Variants in WDR27 observed in about 807,000 individuals in gnomAD.
The protein encoded by WDR27 is WD repeat-containing protein 27.
Under a neutral mutation model 114.4 loss-of-function variants are expected in WDR27, and 100 were observed. The observed-to-expected ratio is 0.87, with a 90% CI of 0.74 to 1.03. WDR27 has a LOEUF of 1.03. WDR27 is among the 50% of genes least tolerant of loss of function. The probability of loss-of-function intolerance (pLI) is 0.00; values close to 1 mark genes in which losing one functional copy is unlikely to be tolerated. For synonymous variants in WDR27, 449 were observed against 423.1 expected (o/e 1.06, Z -0.75); for missense variants, 1,129 against 1,092.9 (o/e 1.03, Z -0.47).
chr6:169,673,234 T>C (rs12525599), intron 2 of WDR27, among the ~76,000 whole-genome samples: 10,603 of 152,088 alleles, frequency 0.07, 778 homozygotes, highest in East Asian at 0.19. Context: ...GGGATGGGAC[T>C]GGGGGTCCAT....
intron 24 of WDR27, among the ~76,000 whole-genome samples, chr6:169,577,336 G>T (rs1273299366): frequency 1.3e-5 from 2 of 152,208 alleles, no homozygotes; most frequent in Non-Finnish European, 2.9e-5. Flanking sequence ...GCCAGGAATG[G>T]CGCCCCCCGA....
chr6:169,621,491 T>G (rs1445921348), intron 21 of WDR27, among the ~76,000 whole-genome samples: 1 of 150,968 alleles, frequency 6.6e-6, no homozygotes, highest in Non-Finnish European at 1.5e-5. Context: ...CATGCACACA[T>G]ATACATACCC....
In WDR27 at chr6:169,678,273, G is replaced by T. The variant is rs1006897246; in HGVS notation, c.190-5877C>A. ...GACAGAGCTGCCCCAGGCCTTGGGA[G>T]TCCACCCCTTGTACCAGTGTGCTCT... is the stretch of plus-strand genomic sequence containing the variant. On this transcript the variant is annotated intron_variant, in intron 2 of 25. Coordinates refer to ENST00000448612, the MANE Select transcript of WDR27 (RefSeq NM_182552.5). Among the ~76,000 whole-genome samples, 5 of 152,254 alleles carry T rather than the reference G, an allele frequency of 3.3e-5. No individual in the cohort carries two copies. The South Asian group carries it at 1.0e-3, about 31-fold the overall frequency.
intron 21 of WDR27, among the ~76,000 whole-genome samples, chr6:169,629,687 G>A (rs1046287974): frequency 6.6e-6 from 1 of 152,116 alleles, no homozygotes; most frequent in Admixed American, 6.6e-5. Context: ...AGCACTTTGG[G>A]AGGCCGAGAC....
At position 169,574,152 on chromosome 6, in the gene WDR27, G is replaced by A. The variant is rs146255769; in HGVS notation, c.2524-1612C>T. Among the ~76,000 whole-genome samples, 584 of 152,408 alleles carry A rather than the reference G, an allele frequency of 3.8e-3. 2 individuals carry two copies. The highest frequency in any genetic ancestry group is 0.013 in the African/African-American group (546 of 41,610). On this transcript the variant is annotated intron_variant, in intron 24 of 25. Transcript: ENST00000448612. ...GCAGGACACCCAGGTGTGCTTCAGA[G>A]TCTTGGATTCCGAAGCCACTCTGCA...
At chr6:169,513,261 G>A (rs1462856418) in intron 25 of WDR27, among the ~76,000 whole-genome samples, 1 of 152,130 alleles carries the variant, frequency 6.6e-6, no homozygotes, top group Non-Finnish European at 1.5e-5. Context: ...TTCCAAGAGA[G>A]AATGTTCTGG....
At chr6:169,462,330 G>A (rs1439740798) in intron 25 of WDR27, among the ~76,000 whole-genome samples, 1 of 151,864 alleles carries the variant, frequency 6.6e-6, no homozygotes, top group Non-Finnish European at 1.5e-5. Flanking sequence ...CCAGCTACTC[G>A]AGAGGCTGAG....
chr6:169,613,831 GA>G (rs1406947593), intron 21 of WDR27, among the ~76,000 whole-genome samples, 175 bp from the exon 22 acceptor site: 1 of 152,160 alleles, frequency 6.6e-6, no homozygotes, highest in East Asian at 1.9e-4. Flanking sequence ...AGTAGTTAAT[GA>G]GGGTATATTT....
At chr6:169,457,690 C>G in intron 25 of WDR27, 56 bp from the exon 26 acceptor site, 1 of 1,389,780 alleles carries the variant, frequency 7.2e-7, no homozygotes, top group Non-Finnish European at 9.9e-7. Context: ...TAATTGATAA[C>G]TCTATAAGAA....
intron 21 of WDR27, among the ~76,000 whole-genome samples, chr6:169,631,665 G>A (rs764533036): frequency 6.6e-6 from 1 of 152,058 alleles, no homozygotes; most frequent in Non-Finnish European, 1.5e-5. Context: ...CCATCTTCCT[G>A]GACACGGAGC....
intron 23 of WDR27, among the ~76,000 whole-genome samples, chr6:169,589,329 A>G (rs567006739): frequency 2.7e-4 from 41 of 152,170 alleles, no homozygotes; most frequent in Non-Finnish European, 4.7e-4. Flanking sequence ...TTCTCGTGTA[A>G]CCCTCTCAAC....
At chr6:169,516,721 C>G (rs1335409656) in intron 25 of WDR27, among the ~76,000 whole-genome samples, 1 of 150,310 alleles carries the variant, frequency 6.7e-6, no homozygotes, top group Non-Finnish European at 1.5e-5. Context: ...GCTCTGAAGG[C>G]TCTCTGAATA....
At chr6:169,608,907 G>C (rs1349015916) in intron 22 of WDR27, among the ~76,000 whole-genome samples, 2 of 152,188 alleles carry the variant, frequency 1.3e-5, no homozygotes, top group Admixed American at 6.5e-5. Context: ...GATACAATGG[G>C]GGTACAGGCA....
chr6:169,552,086 G>C (rs1798215894), intron 25 of WDR27, among the ~76,000 whole-genome samples: 1 of 152,080 alleles, frequency 6.6e-6, no homozygotes, highest in African/African-American at 2.4e-5. Flanking sequence ...TCACTCAGGA[G>C]GTCTCCCTCT....
At chr6:169,689,504 T>G (rs1206754652) in intron 1 of WDR27, among the ~76,000 whole-genome samples, 1 of 152,240 alleles carries the variant, frequency 6.6e-6, no homozygotes, top group African/African-American at 2.4e-5. Flanking sequence ...ATAACTAACC[T>G]GGGCTTGATT....
chr6:169,491,232 AAGATAATGCATCAAATTTCTCTCT>A (rs1207461645), intron 25 of WDR27, among the ~76,000 whole-genome samples: 1 of 152,198 alleles, frequency 6.6e-6, no homozygotes, highest in South Asian at 2.1e-4. Flanking sequence ...TATTTCCTTA[AAGATAATGCATCAAATTTCTCTCT>A]AGGTTTTATT....
intron 25 of WDR27, among the ~76,000 whole-genome samples, chr6:169,488,540 T>C (rs1789257283): frequency 6.6e-6 from 1 of 152,242 alleles, no homozygotes; most frequent in Non-Finnish European, 1.5e-5. Flanking sequence ...TCCAGTTACG[T>C]GTCTTCATAT....
At chr6:169,529,044 CGTT>C (rs897955444) in intron 25 of WDR27, among the ~76,000 whole-genome samples, 11 of 152,200 alleles carry the variant, frequency 7.2e-5, no homozygotes, top group African/African-American at 2.6e-4. Flanking sequence ...CTTATCATAG[CGTT>C]GTTTATATTT....
chr6:169,519,934 A>G (rs1358489513), intron 25 of WDR27, among the ~76,000 whole-genome samples: 2 of 152,078 alleles, frequency 1.3e-5, no homozygotes, highest in Non-Finnish European at 2.9e-5. Context: ...GTTTCTACAC[A>G]CACAAAAAAG....
Sources: gnomAD v4.1 joint callset for allele counts (sites outside exome capture counted in the v4.1 genomes callset) on GRCh38, gnomAD v4.1.1 for gene constraint, MANE v1.5 for transcripts, NCBI Gene and HGNC (gene_info 2026-07-23, HGNC 2026-07-21) for gene names.